The following CACNA2D1 variants were observed in gnomAD, a reference collection of about 807,000 sequenced individuals.
CACNA2D1 encodes the protein voltage-dependent calcium channel subunit alpha-2/delta-1.
Under a neutral mutation model 171.5 loss-of-function variants are expected in CACNA2D1, and 53 were observed. The ratio of observed to expected loss-of-function variants is 0.31; its 90% CI spans 0.25 to 0.39. The LOEUF (loss-of-function observed/expected upper bound fraction) is 0.39, where lower values mean the gene tolerates loss of function less well. Among genes scored for constraint, CACNA2D1 ranks in the 10% least tolerant of loss-of-function variants. The probability of loss-of-function intolerance (pLI) is 1.00; values close to 1 mark genes in which losing one functional copy is unlikely to be tolerated. For synonymous variants in CACNA2D1, 442 were observed against 443.1 expected, an observed-to-expected ratio of 1.00 and a Z score of 0.03; for missense variants, 903 against 1,299.8, an observed-to-expected ratio of 0.69 and a Z score of 4.69.
chr7:82,435,593 C>G (rs1209220258), intron 1 of CACNA2D1, among the ~76,000 whole-genome samples: 2 of 152,146 alleles, frequency 1.3e-5, no homozygotes, highest in Non-Finnish European at 2.9e-5. Flanking sequence ...CCTGCTTCAC[C>G]TTCTCACTGC....
At chr7:82,163,369 A>G (rs17834770) in intron 4 of CACNA2D1, among the ~76,000 whole-genome samples, 39,239 of 151,976 alleles carry the variant, frequency 0.26, 5,359 homozygotes, top group Middle Eastern at 0.35. Context: ...CTGAATGATA[A>G]CAATATATGT....
intron 3 of CACNA2D1, among the ~76,000 whole-genome samples, chr7:82,236,790 GTTC>G (rs1803638388): frequency 6.6e-6 from 1 of 151,826 alleles, no homozygotes; most frequent in African/African-American, 2.4e-5. Flanking sequence ...ATTTCACCAT[GTTC>G]TTAATATTTC....
intron 1 of CACNA2D1, among the ~76,000 whole-genome samples, chr7:82,392,657 C>A (rs1043094723): frequency 1.6e-4 from 24 of 152,034 alleles, no homozygotes; most frequent in African/African-American, 5.8e-4. Flanking sequence ...GGCAAAGTGG[C>A]CACGAAAAAT....
chr7:82,050,790 C>T (rs1322320313), intron 10 of CACNA2D1: 1 of 582,984 alleles, frequency 1.7e-6, no homozygotes, highest in Admixed American at 2.8e-5. Flanking sequence ...TATATAAGCA[C>T]TTTACATGTG....
intron 34 of CACNA2D1, among the ~76,000 whole-genome samples, chr7:81,963,626 T>C (rs1322492059): frequency 6.6e-6 from 1 of 151,956 alleles, no homozygotes; most frequent in Non-Finnish European, 1.5e-5. Flanking sequence ...CTTGTATCAA[T>C]AGTAAAGAGG....
chr7:82,351,866 C>A (rs1010768544), intron 1 of CACNA2D1, among the ~76,000 whole-genome samples: 3 of 152,058 alleles, frequency 2.0e-5, no homozygotes, highest in Non-Finnish European at 2.9e-5. Flanking sequence ...CTGAACAAGT[C>A]CTAGAACCTA....
intron 6 of CACNA2D1, among the ~76,000 whole-genome samples, chr7:82,106,442 T>C (rs1354242552): frequency 1.3e-5 from 2 of 152,158 alleles, no homozygotes; most frequent in African/African-American, 4.8e-5. Flanking sequence ...CAAGTGCACT[T>C]CTGATTTCCA....
intron 1 of CACNA2D1, among the ~76,000 whole-genome samples, chr7:82,357,444 G>A (rs1003396997): frequency 3.3e-5 from 5 of 152,190 alleles, no homozygotes; most frequent in African/African-American, 4.8e-5. Context: ...GAATTTGCCT[G>A]GTTGGAACAA....
chr7:82,258,811 A>ACTTTT (rs1806637187), intron 3 of CACNA2D1, among the ~76,000 whole-genome samples: 4 of 68,796 alleles, frequency 5.8e-5, no homozygotes, highest in African/African-American at 2.5e-4. Context: ...TTTCTTTCTT[A>ACTTTT]CTTTTCTTTT....
intron 3 of CACNA2D1, among the ~76,000 whole-genome samples, chr7:82,245,943 G>A (rs1262784621): frequency 6.6e-6 from 1 of 151,894 alleles, no homozygotes; most frequent in Non-Finnish European, 1.5e-5. Flanking sequence ...AGTTATCAGT[G>A]ACCTCACCTC....
chr7:82,293,677 GC>G (rs1322262614), intron 3 of CACNA2D1, among the ~76,000 whole-genome samples: 1 of 152,152 alleles, frequency 6.6e-6, no homozygotes, highest in African/African-American at 2.4e-5. Flanking sequence ...ACATCTCTTA[GC>G]TCCAGCTATC....
intron 3 of CACNA2D1, among the ~76,000 whole-genome samples, chr7:82,315,096 C>T (rs1363266073): frequency 6.6e-6 from 1 of 151,300 alleles, no homozygotes; most frequent in Non-Finnish European, 1.5e-5. Flanking sequence ...GAGATTGTGC[C>T]ACTGCACTCC....
intron 3 of CACNA2D1, among the ~76,000 whole-genome samples, chr7:82,197,784 T>G (rs1170804194): frequency 2.7e-5 from 4 of 149,246 alleles, no homozygotes; most frequent in Non-Finnish European, 5.9e-5. Context: ...TATTTTCTCC[T>G]TCTAATGTCT....
At chr7:82,368,207 C>G (rs1311154235) in intron 1 of CACNA2D1, among the ~76,000 whole-genome samples, 1 of 152,152 alleles carries the variant, frequency 6.6e-6, no homozygotes, top group Non-Finnish European at 1.5e-5. Flanking sequence ...CTCCTCGTAG[C>G]AAGCAGAAAC....
intron 3 of CACNA2D1, among the ~76,000 whole-genome samples, chr7:82,276,557 G>T (rs1289423793): frequency 6.6e-6 from 1 of 152,024 alleles, no homozygotes; most frequent in East Asian, 1.9e-4. Context: ...CCCCAGTCTG[G>T]CTCTTAATGT....
intron 3 of CACNA2D1, among the ~76,000 whole-genome samples, chr7:82,264,601 T>C (rs1014789661): frequency 1.1e-4 from 17 of 152,162 alleles, no homozygotes; most frequent in African/African-American, 4.1e-4. Context: ...AAATTTTAAT[T>C]ATGCTGCCAG....
chr7:82,050,716 G>A, intron 10 of CACNA2D1: 1 of 684,546 alleles, frequency 1.5e-6, no homozygotes, highest in Non-Finnish European at 2.7e-6. Context: ...CCCAACAGTT[G>A]GTGGAAAAAT....
chr7:82,115,743 TAAA>T (rs543239994), intron 6 of CACNA2D1, among the ~76,000 whole-genome samples: 2 of 143,156 alleles, frequency 1.4e-5, no homozygotes, highest in Non-Finnish European at 3.1e-5. Flanking sequence ...TCAAAGTGAA[TAAA>T]AAAAAAAAGC....
At position 81,950,305 on chromosome 7, in the gene CACNA2D1, G is replaced by T; in HGVS notation, c.*87C>A. 1 of 1,611,088 alleles carries T rather than the reference G, an allele frequency of 6.2e-7. No homozygotes were observed. Among genetic ancestry groups the T allele is most frequent in the Non-Finnish European group, 8.5e-7 (1 of 1,178,326 alleles). Reference sequence around the variant, plus strand: ...CAGCTAATGTTTGTCTGATTTTATAGCTGACCCTACGTTACTGTAATTGAG... The same window carrying T: ...CAGCTAATGTTTGTCTGATTTTATATCTGACCCTACGTTACTGTAATTGAG... On this transcript the variant is annotated 3_prime_UTR_variant, in exon 39 of 39. Transcript: ENST00000356860.
Sources: allele counts gnomAD v4.1 joint callset (sites outside exome capture counted in the v4.1 genomes callset), GRCh38; gene constraint gnomAD v4.1.1; transcripts MANE v1.5; gene names NCBI Gene and HGNC (gene_info 2026-07-23, HGNC 2026-07-21).